SLC44A5: variants seen among roughly 807,000 people sequenced by gnomAD.
SLC44A5 encodes choline transporter-like protein 5.
In SLC44A5, 57 loss-of-function variants were observed where a neutral mutation model predicts 101.8. The observed-to-expected ratio is 0.56, with a 90% CI of 0.45 to 0.70. The LOEUF (loss-of-function observed/expected upper bound fraction) is 0.70. SLC44A5 is among the 30% of genes least tolerant of loss of function. The probability of loss-of-function intolerance (pLI) is 0.00; values close to 1 mark genes in which losing one functional copy is unlikely to be tolerated. For synonymous variants in SLC44A5, 281 were observed against 290.9 expected (o/e 0.97, Z 0.35); for missense variants, 737 against 853.1 (o/e 0.86, Z 1.70).
intron 1 of SLC44A5, among the ~76,000 whole-genome samples, chr1:75,585,023 G>C (rs1427462980): frequency 6.6e-6 from 1 of 152,164 alleles, no homozygotes; most frequent in Non-Finnish European, 1.5e-5. Context: ...GTTCAAAAAA[G>C]CTAAACTCCA....
the SLC44A5 span, among the ~76,000 whole-genome samples, chr1:75,635,540 G>A: frequency 6.6e-6 from 1 of 151,098 alleles, no homozygotes; most frequent in East Asian, 1.9e-4. Flanking sequence ...ATCATTCTCA[G>A]TAAACTATTG....
chr1:75,674,113 C>T, the SLC44A5 span, among the ~76,000 whole-genome samples: 1 of 151,960 alleles, frequency 6.6e-6, no homozygotes, highest in Admixed American at 6.6e-5. Context: ...TATGACCTTC[C>T]AGACAGAGAA....
At chr1:75,631,472 A>C in the SLC44A5 span, among the ~76,000 whole-genome samples, 1 of 151,498 alleles carries the variant, frequency 6.6e-6, no homozygotes, top group Non-Finnish European at 1.5e-5. Flanking sequence ...TCCTGGGCTC[A>C]AGCCATCCTC....
At chr1:75,451,038 G>A (rs1665879114) in intron 2 of SLC44A5, among the ~76,000 whole-genome samples, 2 of 152,144 alleles carry the variant, frequency 1.3e-5, no homozygotes, top group Admixed American at 6.5e-5. Flanking sequence ...CCCAGGCAAG[G>A]AAGTTGGAGC....
chr1:75,717,039 AAAAAT>A, the SLC44A5 span, among the ~76,000 whole-genome samples: 1 of 152,228 alleles, frequency 6.6e-6, no homozygotes, highest in South Asian at 2.1e-4. Flanking sequence ...ATCTCCAAAA[AAAAAT>A]AAAATAAAAA....
chr1:75,701,692 AAT>A, the SLC44A5 span, among the ~76,000 whole-genome samples: 9 of 152,202 alleles, frequency 5.9e-5, no homozygotes, highest in Non-Finnish European at 5.9e-5. Flanking sequence ...AAGGGCATTC[AAT>A]TAGGAAAAGA....
chr1:75,661,708 A>T, the SLC44A5 span, among the ~76,000 whole-genome samples: 2 of 152,204 alleles, frequency 1.3e-5, no homozygotes, highest in Non-Finnish European at 2.9e-5. Flanking sequence ...CATTTCTCAA[A>T]AGGAGACATA....
At chr1:75,519,414 C>G (rs911132872) in intron 2 of SLC44A5, among the ~76,000 whole-genome samples, 1 of 152,034 alleles carries the variant, frequency 6.6e-6, no homozygotes, top group African/African-American at 2.4e-5. Flanking sequence ...AAAAATTAGC[C>G]GGGCATGGCG....
At chr1:75,477,394 A>G (rs1414070230) in intron 2 of SLC44A5, among the ~76,000 whole-genome samples, 1 of 152,250 alleles carries the variant, frequency 6.6e-6, no homozygotes, top group Admixed American at 6.5e-5. Flanking sequence ...AACGGAACAA[A>G]GCTGTACGGA....
chr1:75,325,842 T>G (rs554426199), intron 4 of SLC44A5, among the ~76,000 whole-genome samples: 1 of 151,816 alleles, frequency 6.6e-6, no homozygotes, highest in African/African-American at 2.4e-5. Context: ...TTTGGGAATA[T>G]TTGCAATGTA....
the SLC44A5 span, among the ~76,000 whole-genome samples, chr1:75,652,678 TA>T: frequency 6.6e-6 from 1 of 152,036 alleles, no homozygotes; most frequent in Admixed American, 6.6e-5. Flanking sequence ...CCTATAATCG[TA>T]GCTACTCAGG....
chr1:75,564,898 A>T (rs1672712905), intron 1 of SLC44A5, among the ~76,000 whole-genome samples: 1 of 152,186 alleles, frequency 6.6e-6, no homozygotes, highest in African/African-American at 2.4e-5. Context: ...CTGGGATTAC[A>T]GGCGTGAGCC....
chr1:75,703,731 G>C, the SLC44A5 span, among the ~76,000 whole-genome samples: 2 of 152,138 alleles, frequency 1.3e-5, no homozygotes, highest in South Asian at 4.2e-4. Context: ...CACGTTCTCT[G>C]TTCAGATGTC....
intron 4 of SLC44A5, among the ~76,000 whole-genome samples, chr1:75,306,954 GGT>G (rs1654959459): frequency 6.6e-6 from 1 of 151,764 alleles, no homozygotes; most frequent in Admixed American, 6.6e-5. Context: ...TAGCCAGGAT[GGT>G]CTCGATCTCC....
In SLC44A5 at chr1:75,483,857, G is replaced by A. The variant is rs536458081; in HGVS notation, c.13+57578C>T. ...GAAAATTACAATCATGGCAGAAGGC[G>A]AAGGGGAAGCAAGGCACATCTTACA... On this transcript the variant is annotated intron_variant, in intron 2 of 23. Coordinates refer to ENST00000370859, the MANE Select transcript of SLC44A5 (RefSeq NM_001130058.2). Among the ~76,000 whole-genome samples, 281 of 152,194 alleles carry A rather than the reference G, an allele frequency of 1.8e-3. 3 individuals carry two copies. The highest frequency in any genetic ancestry group is 0.014 in the Admixed American group (217 of 15,282).
intron 4 of SLC44A5, among the ~76,000 whole-genome samples, chr1:75,318,627 C>A (rs1182581560): frequency 1.3e-5 from 2 of 152,102 alleles, no homozygotes; most frequent in East Asian, 3.9e-4. Context: ...TTGGGATAAA[C>A]AAAATCTCAG....
At chr1:75,228,830 C>T (rs192576697) in intron 12 of SLC44A5, among the ~76,000 whole-genome samples, 1 of 151,702 alleles carries the variant, frequency 6.6e-6, no homozygotes, top group Non-Finnish European at 1.5e-5. Flanking sequence ...ATCACCCACT[C>T]TAATTATTGC....
chr1:75,593,958 A>T (rs1473239293), intron 1 of SLC44A5, among the ~76,000 whole-genome samples: 1 of 152,072 alleles, frequency 6.6e-6, no homozygotes, highest in African/African-American at 2.4e-5. Context: ...ATAGCACAAC[A>T]GGGTGACTAT....
chr1:75,333,800 C>T (rs1426104155), intron 4 of SLC44A5, among the ~76,000 whole-genome samples: 2 of 152,148 alleles, frequency 1.3e-5, no homozygotes, highest in Non-Finnish European at 2.9e-5. Flanking sequence ...AAATTCAAAG[C>T]AGAGGTGACC....
Sources: allele counts gnomAD v4.1 joint callset (sites outside exome capture counted in the v4.1 genomes callset), GRCh38; gene constraint gnomAD v4.1.1; transcripts MANE v1.5; gene names NCBI Gene and HGNC (gene_info 2026-07-23, HGNC 2026-07-21).